Variants in LRMDA observed in about 807,000 individuals in gnomAD.
The protein encoded by LRMDA is leucine-rich melanocyte differentiation-associated protein.
LRMDA carries 18 observed loss-of-function variants against 29.8 expected under a neutral mutation model. The ratio of observed to expected loss-of-function variants is 0.60; its 90% CI spans 0.42 to 0.90. The LOEUF (loss-of-function observed/expected upper bound fraction) is 0.90. Among genes scored for constraint, LRMDA ranks in the 40% least tolerant of loss-of-function variants. LRMDA has a pLI of 0.00. For missense variants in LRMDA, 273 were observed against 273.9 expected (o/e 1.00, Z 0.02); for synonymous variants, 125 against 109.4 (o/e 1.14, Z -0.89).
chr10:76,546,261 G>T (rs998787001), intron 6 of LRMDA, among the ~76,000 whole-genome samples: 3 of 152,186 alleles, frequency 2.0e-5, no homozygotes, highest in Non-Finnish European at 4.4e-5. Flanking sequence ...GCTCATATGA[G>T]CAGGAGATCC....
chr10:76,223,616 A>G (rs756998538), intron 5 of LRMDA, among the ~76,000 whole-genome samples: 26 of 152,264 alleles, frequency 1.7e-4, no homozygotes, highest in South Asian at 1.2e-3. Context: ...GTGGGCTCCC[A>G]GAGAGCTTTC....
intron 2 of LRMDA, among the ~76,000 whole-genome samples, chr10:76,016,253 T>C (rs1195777619): frequency 3.3e-5 from 5 of 152,196 alleles, no homozygotes; most frequent in African/African-American, 1.2e-4. Flanking sequence ...GTGATTCTTT[T>C]AAGGCTACTA....
At chr10:76,393,419 G>A (rs1841746587) in intron 6 of LRMDA, among the ~76,000 whole-genome samples, 2 of 151,984 alleles carry the variant, frequency 1.3e-5, no homozygotes, top group Admixed American at 6.6e-5. Context: ...ATGATTAATG[G>A]TGTTAAACAT....
chr10:75,669,992 C>A (rs985432964), intron 2 of LRMDA, among the ~76,000 whole-genome samples: 1 of 152,160 alleles, frequency 6.6e-6, no homozygotes, highest in Admixed American at 6.5e-5. Context: ...AAATTACATT[C>A]ATTATTTTTA....
At chr10:76,414,256 T>A (rs945057376) in intron 6 of LRMDA, among the ~76,000 whole-genome samples, 9 of 152,190 alleles carry the variant, frequency 5.9e-5, no homozygotes, top group African/African-American at 1.9e-4. Context: ...ATTCCTCAAA[T>A]AAGGTATCAC....
At chr10:76,336,996 T>A (rs1468316227) in intron 6 of LRMDA, among the ~76,000 whole-genome samples, 1 of 152,108 alleles carries the variant, frequency 6.6e-6, no homozygotes, top group Non-Finnish European at 1.5e-5. Flanking sequence ...TTTTATTTCA[T>A]ATAATGTTCA....
intron 6 of LRMDA, among the ~76,000 whole-genome samples, chr10:76,524,157 T>C (rs1843150427): frequency 6.6e-6 from 1 of 152,224 alleles, no homozygotes; most frequent in South Asian, 2.1e-4. Context: ...TGTATCATAA[T>C]GACAGGTATT....
At chr10:76,129,966 T>C (rs1849957179) in intron 5 of LRMDA, among the ~76,000 whole-genome samples, 1 of 152,206 alleles carries the variant, frequency 6.6e-6, no homozygotes, top group Non-Finnish European at 1.5e-5. Flanking sequence ...TAAAATGGGG[T>C]AATAACCATA....
At chr10:75,839,665 C>T (rs367730403) in intron 2 of LRMDA, among the ~76,000 whole-genome samples, 1 of 148,856 alleles carries the variant, frequency 6.7e-6, no homozygotes, top group East Asian at 2.0e-4. Context: ...ACCTTGCTAC[C>T]TTCCAATTCT....
chr10:76,197,724 G>A (rs992983765), intron 5 of LRMDA, among the ~76,000 whole-genome samples: 7 of 151,788 alleles, frequency 4.6e-5, no homozygotes, highest in African/African-American at 1.2e-4. Context: ...TTTGAGACCC[G>A]CCTGGTCAAT....
chr10:75,527,316 C>T (rs1845424893), intron 2 of LRMDA, among the ~76,000 whole-genome samples: 1 of 152,166 alleles, frequency 6.6e-6, no homozygotes, highest in Admixed American at 6.5e-5. Flanking sequence ...GTTGATTTTA[C>T]ATTTTGCTAT....
intron 2 of LRMDA, among the ~76,000 whole-genome samples, chr10:75,742,396 C>T (rs1842840815): frequency 1.3e-5 from 2 of 152,176 alleles, no homozygotes; most frequent in Admixed American, 1.3e-4. Context: ...GGGGCAAGGC[C>T]ACCCAGGTGG....
At chr10:75,833,569 C>T (rs1309283908) in intron 2 of LRMDA, among the ~76,000 whole-genome samples, 1 of 152,184 alleles carries the variant, frequency 6.6e-6, no homozygotes, top group Non-Finnish European at 1.5e-5. Context: ...ATCAATCCTA[C>T]GTGAAGTATA....
intron 2 of LRMDA, among the ~76,000 whole-genome samples, chr10:75,832,325 C>T (rs574829208): frequency 2.0e-5 from 3 of 152,248 alleles, no homozygotes; most frequent in Admixed American, 1.3e-4. Context: ...GAGCAAAATG[C>T]CACCAGTCTC....
chr10:75,898,106 G>A (rs1845614191), intron 2 of LRMDA, among the ~76,000 whole-genome samples: 1 of 152,128 alleles, frequency 6.6e-6, no homozygotes, highest in African/African-American at 2.4e-5. Context: ...TTACAGGCGT[G>A]AGCCACTGCG....
intron 2 of LRMDA, among the ~76,000 whole-genome samples, chr10:75,840,022 T>C: frequency 6.6e-6 from 1 of 152,226 alleles, no homozygotes; most frequent in East Asian, 1.9e-4. Flanking sequence ...TCAACTTTTA[T>C]AATGACATGC....
intron 2 of LRMDA, among the ~76,000 whole-genome samples, chr10:76,025,580 C>T (rs1174534964): frequency 6.6e-6 from 1 of 151,984 alleles, no homozygotes; most frequent in Non-Finnish European, 1.5e-5. Flanking sequence ...TGCATGTGCT[C>T]ACTGAATTCC....
At chr10:75,944,033 A>G (rs1428043291) in intron 2 of LRMDA, among the ~76,000 whole-genome samples, 1 of 152,220 alleles carries the variant, frequency 6.6e-6, no homozygotes, top group African/African-American at 2.4e-5. Context: ...GTAGAAGAGA[A>G]ATTTCATCTG....
At position 75,984,707 on chromosome 10, in the gene LRMDA, A is replaced by G. The variant is rs115884323; in HGVS notation, c.132-51301A>G. ...AATTGCCCTTTCATTGGCAATGCTG[A>G]AAGTGAAGGCCATGATTCTCAATTC... On this transcript the variant is annotated intron_variant, in intron 2 of 6. Transcript: ENST00000611255. 3.1e-3 allele frequency among the ~76,000 whole-genome samples: 468 copies of G among 152,330 alleles called. 3 individuals carry two copies. The highest frequency in any genetic ancestry group is 0.011 in the African/African-American group (444 of 41,584).
Sources: allele counts gnomAD v4.1 joint callset (sites outside exome capture counted in the v4.1 genomes callset), GRCh38; gene constraint gnomAD v4.1.1; transcripts MANE v1.5; gene names NCBI Gene and HGNC (gene_info 2026-07-23, HGNC 2026-07-21).